The following KATNAL2 variants were observed in gnomAD, a reference collection of about 807,000 sequenced individuals.
The protein encoded by KATNAL2 is katanin p60 ATPase-containing subunit A-like 2.
KATNAL2 carries 52 observed loss-of-function variants against 76.3 expected under a neutral mutation model. That is an observed-to-expected ratio of 0.68 (90% CI 0.55 to 0.86). The LOEUF is 0.86. Among genes scored for constraint, KATNAL2 ranks in the 40% least tolerant of loss-of-function variants. The pLI is 0.00. For missense variants in KATNAL2, 660 were observed against 668.9 expected (o/e 0.99, Z 0.15); for synonymous variants, 243 against 244.2 (o/e 1.00, Z 0.05).
chr18:47,035,279 G>T (rs1001901417), intron 3 of KATNAL2: 1 of 1,612,410 alleles, frequency 6.2e-7, no homozygotes, highest in South Asian at 1.1e-5. Context: ...CCAGAGCTGT[G>T]CAGGCGTCGC....
intron 8 of KATNAL2, among the ~76,000 whole-genome samples, chr18:47,062,632 G>C (rs886930372): frequency 1.3e-5 from 2 of 152,200 alleles, no homozygotes; most frequent in African/African-American, 2.4e-5. Context: ...GTGCCAATGA[G>C]TTCTTTCTGC....
chr18:46,918,386 C>T (rs1264075676), intron 1 of KATNAL2, among the ~76,000 whole-genome samples: 1 of 152,174 alleles, frequency 6.6e-6, no homozygotes, highest in Non-Finnish European at 1.5e-5. Context: ...ACCGCCTCTT[C>T]CCACTACCCC....
At chr18:47,069,198 T>C (rs1442238505) in intron 11 of KATNAL2, 22 bp from the exon 12 acceptor site, 3 of 1,584,492 alleles carry the variant, frequency 1.9e-6, no homozygotes, top group East Asian at 2.2e-5. Context: ...CCAAACCTCA[T>C]CCTTGTTCCT....
At chr18:47,031,982 A>G (rs931008079) in intron 3 of KATNAL2, among the ~76,000 whole-genome samples, 14 of 152,212 alleles carry the variant, frequency 9.2e-5, no homozygotes, top group Non-Finnish European at 2.1e-4. Context: ...AAAAGTTTTA[A>G]GAAAGCTAGC....
chr18:47,092,884 T>C (rs1210930689), intron 15 of KATNAL2, among the ~76,000 whole-genome samples: 1 of 152,244 alleles, frequency 6.6e-6, no homozygotes, highest in African/African-American at 2.4e-5. Flanking sequence ...GAGGTAATTT[T>C]TTTTTAGGCC....
chr18:47,067,791 A>G (rs1302172021), intron 11 of KATNAL2, among the ~76,000 whole-genome samples: 1 of 152,252 alleles, frequency 6.6e-6, no homozygotes, highest in African/African-American at 2.4e-5. Flanking sequence ...ATTTGTTTGT[A>G]ATTCCGTGGG....
At chr18:47,095,644 CACAG>C (rs2063200153) in intron 15 of KATNAL2, among the ~76,000 whole-genome samples, 1 of 152,190 alleles carries the variant, frequency 6.6e-6, no homozygotes, top group Non-Finnish European at 1.5e-5. Context: ...ACCTTAGTAA[CACAG>C]ACAGCCTTCT....
chr18:46,918,445 C>T (rs964831036), intron 1 of KATNAL2, among the ~76,000 whole-genome samples: 15 of 152,186 alleles, frequency 9.9e-5, no homozygotes, highest in Non-Finnish European at 1.9e-4. Context: ...CTCCCCTGCC[C>T]CCGCACCCCG....
chr18:47,100,948 C>T lies in KATNAL2; in HGVS notation c.1560C>T (p.Ser520=), dbSNP rs781370669. Residue 520 remains serine, a synonymous_variant, in exon 18 of 18, where the codon TCC becomes TCT. Transcript: ENST00000683218. ...ATGTGCTAACTCACACCAAGCCCTCCGCAAAGAATCTGGCTCAGAGATACT... is the reference window on the plus strand; with the variant it reads ...ATGTGCTAACTCACACCAAGCCCTCTGCAAAGAATCTGGCTCAGAGATACT... ...FLDVLTHTKP[S]AKNLAQRYSD... 8.7e-6 allele frequency: 14 copies of T among 1,613,958 alleles called. No individual in the cohort carries two copies. The highest frequency in any genetic ancestry group is 1.6e-4 in the Middle Eastern group (1 of 6,084).
rs752041942 is a variant in KATNAL2, at chr18:47,075,277, G to T, written c.1009G>T (p.Val337Leu). The change falls in exon 14 of 18, where the codon GTG becomes TTG. Residue 337 changes from valine (V) to leucine (L), a missense_variant and splice_region_variant. Coordinates refer to ENST00000683218, the MANE Select transcript of KATNAL2 (RefSeq NM_001387690.1). ...ACTTGCTTGCTTTTCCCCCACCCAG[G>T]TGTTATTTGAGCTTGCCCGCTACCA... The part of the protein sequence containing the change: ...WRGDSEKLVR[V>L]LFELARYHAP... The T allele has an allele frequency of 1.3e-6, 2 of 1,547,046 alleles. No individual in the cohort carries two copies. The highest frequency in any genetic ancestry group is 2.5e-5 in the East Asian group (1 of 39,326).
rs747399207 is a variant in KATNAL2, at chr18:47,063,369, C to G, written c.726+8C>G. The G allele has an allele frequency of 1.9e-6, 3 of 1,611,268 alleles. No homozygotes were observed. The highest frequency in any genetic ancestry group is 2.5e-6 in the Non-Finnish European group (3 of 1,178,560). On this transcript the variant is annotated splice_region_variant and intron_variant, in intron 10 of 17. Coordinates refer to ENST00000683218, the MANE Select transcript of KATNAL2 (RefSeq NM_001387690.1). ...GCAGCCGTGGTGAGCCGGGTAAGAT[C>G]TGATATTCAATTCACAAATTTATGG...
At chr18:47,036,171 G>A (rs560972781) in intron 3 of KATNAL2, among the ~76,000 whole-genome samples, 1 of 152,298 alleles carries the variant, frequency 6.6e-6, no homozygotes, top group Non-Finnish European at 1.5e-5. Context: ...ATAAATAGAA[G>A]TCAGCAGGTT....
intron 3 of KATNAL2, among the ~76,000 whole-genome samples, chr18:47,038,806 A>G (rs1030082610): frequency 2.6e-5 from 4 of 152,234 alleles, no homozygotes; most frequent in Non-Finnish European, 5.9e-5. Flanking sequence ...CAACTTGTAT[A>G]TATATTGCAA....
In KATNAL2 at chr18:47,033,130, G is replaced by A. The variant is rs773426243; in HGVS notation, c.52-13327G>A. ...GTGCTCATTGCTGCTGCTCAGGCAG[G>A]GGTTGGCCCGCTTCTCAGGGAGCCA... On this transcript the variant is annotated intron_variant, in intron 3 of 17. Coordinates refer to ENST00000683218, the MANE Select transcript of KATNAL2 (RefSeq NM_001387690.1). 6.2e-6 allele frequency: 10 copies of A among 1,614,090 alleles called. No individual in the cohort carries two copies. The Admixed American group carries it at 1.7e-4, about 27-fold the overall frequency.
Position 47,031,538 on chromosome 18 carries a change from C to G in KATNAL2, c.52-14919C>G, listed in dbSNP as rs540580947. On this transcript the variant is annotated intron_variant, in intron 3 of 17. Transcript: ENST00000683218. The stretch of plus-strand genomic sequence containing the variant: ...GTGTTAAGCCTTTTCTTATAAGTAC[C>G]CTTCCACAGTTTGTAGAAAAATAGG... Among the ~76,000 whole-genome samples the G allele has an allele frequency of 3.9e-4, 59 of 152,214 alleles. 1 individual carries two copies. The highest frequency in any genetic ancestry group is 1.3e-3 in the African/African-American group (52 of 41,526).
At position 47,075,280 on chromosome 18, in the gene KATNAL2, T is replaced by C; in HGVS notation, c.1012T>C (p.Leu338=). 3 of 1,549,640 alleles carry C rather than the reference T, an allele frequency of 1.9e-6. No homozygotes were observed. The highest frequency in any genetic ancestry group is 2.6e-6 in the Non-Finnish European group (3 of 1,155,228). ...RGDSEKLVRV[L]FELARYHAPS... ...TGCTTGCTTTTCCCCCACCCAGGTG[T>C]TATTTGAGCTTGCCCGCTACCACGC... Residue 338 remains leucine (L), a synonymous_variant, in exon 14 of 18, where the codon TTA becomes CTA. Transcript: ENST00000683218.
At chr18:46,960,312 G>C (rs573838471) in intron 3 of KATNAL2, among the ~76,000 whole-genome samples, 1 of 151,938 alleles carries the variant, frequency 6.6e-6, no homozygotes, top group Non-Finnish European at 1.5e-5. Flanking sequence ...GGTGGTGGGC[G>C]CCTGTAATGC....
chr18:47,048,312 G>A (rs754661196), intron 4 of KATNAL2, among the ~76,000 whole-genome samples: 102 of 152,172 alleles, frequency 6.7e-4, no homozygotes, highest in Non-Finnish European at 5.6e-4. Flanking sequence ...TCGGTTTTGA[G>A]ACTCCAGTGA....
At chr18:47,041,071 A>C (rs573810062) in intron 3 of KATNAL2, among the ~76,000 whole-genome samples, 1 of 152,332 alleles carries the variant, frequency 6.6e-6, no homozygotes, top group South Asian at 2.1e-4. Flanking sequence ...TTTTTAGCGC[A>C]GTTTTAGATT....
Sources: gnomAD v4.1 joint callset for allele counts (sites outside exome capture counted in the v4.1 genomes callset) on GRCh38, gnomAD v4.1.1 for gene constraint, MANE v1.5 for transcripts, NCBI Gene and HGNC (gene_info 2026-07-23, HGNC 2026-07-21) for gene names.